The following SH3BP1 variants were observed in gnomAD, a reference collection of about 807,000 sequenced individuals.
SH3BP1 encodes the protein SH3 domain binding protein 1, also known as SH3 domain-binding protein 1.
In SH3BP1, 46 loss-of-function variants were observed where a neutral mutation model predicts 69.8. That is an observed-to-expected ratio of 0.66 (90% CI 0.52 to 0.84). SH3BP1 has a LOEUF of 0.84. SH3BP1 is among the 40% of genes least tolerant of loss of function. SH3BP1 has a pLI of 0.00. For missense variants in SH3BP1, 868 were observed against 930.9 expected (o/e 0.93, Z 0.88); for synonymous variants, 403 against 378.0 (o/e 1.07, Z -0.77).
intron 7 of SH3BP1, 120 bp downstream of exon 7, chr22:37,643,908 T>A: frequency 1.7e-6 from 2 of 1,173,956 alleles, no homozygotes; most frequent in Non-Finnish European, 2.4e-6. Context: ...GCCACGTGGC[T>A]AGGAGCCAGC....
At chr22:37,653,896 G>A (rs1569012010) in intron 17 of SH3BP1, 23 bp downstream of exon 17, 1 of 1,495,890 alleles carries the variant, frequency 6.7e-7, no homozygotes, top group South Asian at 1.1e-5. Context: ...TGGGAGGGGA[G>A]GAGGGGACAG....
intron 11 of SH3BP1, 34 bp downstream of exon 11, chr22:37,646,963 G>C: frequency 7.3e-7 from 1 of 1,368,166 alleles, no homozygotes; most frequent in Non-Finnish European, 9.8e-7. Context: ...GCAGGAGGTT[G>C]GGGGGGAGGG....
chr22:37,644,744 G>T (rs780940596), intron 8 of SH3BP1, 39 bp downstream of exon 8: 2 of 1,612,090 alleles, frequency 1.2e-6, no homozygotes, highest in South Asian at 1.1e-5. Context: ...CAGAGTTCAG[G>T]GGCTGAATGC....
chr22:37,643,580 G>C, intron 6 of SH3BP1, 64 bp from the exon 7 acceptor site: 18 of 1,605,702 alleles, frequency 1.1e-5, no homozygotes, highest in Non-Finnish European at 1.4e-5. Context: ...GCTGTATGGA[G>C]GGGACACTTG....
At chr22:37,653,665 G>A in intron 16 of SH3BP1, 114 bp from the exon 17 acceptor site, 1 of 750,260 alleles carries the variant, frequency 1.3e-6, no homozygotes, top group South Asian at 1.5e-5. Context: ...CAGAGTGATA[G>A]AGAGCGAGTG....
intron 17 of SH3BP1, among the ~76,000 whole-genome samples, 199 bp downstream of exon 17, chr22:37,654,072 TCC>T (rs2146076581): frequency 6.6e-6 from 1 of 152,248 alleles, no homozygotes; most frequent in African/African-American, 2.4e-5. Context: ...AGCCTCACCT[TCC>T]TCCTCTGTGT....
rs1932572065 is a variant in SH3BP1, at chr22:37,641,109, C to CCA, written c.60-16_60-15insAC. The CCA allele has an allele frequency of 1.4e-5, 20 of 1,390,822 alleles. No homozygotes were observed. The highest frequency in any genetic ancestry group is 1.9e-5 in the Non-Finnish European group (19 of 1,018,546). 86.2% of individuals were successfully genotyped at this position (1,390,822 alleles called of 1,614,324 possible). A position where few individuals can be genotyped will look rare whatever the true frequency, so the allele number is the denominator to read the frequency against. On this transcript the variant is annotated splice_polypyrimidine_tract_variant and intron_variant, in intron 1 of 17. Coordinates refer to ENST00000649765, the MANE Select transcript of SH3BP1 (RefSeq NM_018957.6). ...CAGCAGAAGCACTCTCCCCCCCCCC[C>CCA]CCACCACTCCCCGCAGCACCCCGGA...
intron 14 of SH3BP1, among the ~76,000 whole-genome samples, chr22:37,649,083 C>T (rs73422754): frequency 0.088 from 13,363 of 152,150 alleles, 697 homozygotes; most frequent in South Asian, 0.14. Context: ...CTGAGGAAGA[C>T]ACCCTCAGAA....
intron 6 of SH3BP1, 109 bp from the exon 7 acceptor site, chr22:37,643,535 T>A: frequency 6.8e-7 from 1 of 1,465,968 alleles, no homozygotes; most frequent in Non-Finnish European, 9.4e-7. Context: ...AGCTCTCAGA[T>A]CTGCAGCTCT....
rs891569142 is a variant in SH3BP1 at position 37,641,490 on chromosome 22, G to A, written c.207+12G>A. The A allele has an allele frequency of 1.3e-6, 2 of 1,544,430 alleles. No individual in the cohort carries two copies. The highest frequency in any genetic ancestry group is 1.4e-5 in the African/African-American group (1 of 73,004). ...TGGACAAGCGGGTGGTGAGTGGGGG[G>A]TCCCGGGAAGGAGGGGCCTGAGCAG... On this transcript the variant is annotated intron_variant, in intron 3 of 17. Coordinates refer to ENST00000649765, the MANE Select transcript of SH3BP1 (RefSeq NM_018957.6).
At chr22:37,646,631 C>G (rs898229962) in intron 10 of SH3BP1, 187 bp from the exon 11 acceptor site, 3 of 427,962 alleles carry the variant, frequency 7.0e-6, no homozygotes, top group African/African-American at 6.1e-5. Flanking sequence ...CCAGCCCTGC[C>G]CTTTGCTCAG....
Position 37,639,797 on chromosome 22 carries a change from A to T in SH3BP1, c.10A>T (p.Arg4Trp). 1 of 1,555,170 alleles carries T rather than the reference A, an allele frequency of 6.4e-7. No individual in the cohort carries two copies. The highest frequency in any genetic ancestry group is 8.7e-7 in the Non-Finnish European group (1 of 1,152,642). MMK[R>W]QLHRMRQLAQ... ...CCAGCTCGCCCCCAAGATGATGAAGAGGCAGCTGCACCGCATGCGGCAGCT... is the reference window on the plus strand; with the variant it reads ...CCAGCTCGCCCCCAAGATGATGAAGTGGCAGCTGCACCGCATGCGGCAGCT... Residue 4 changes from arginine to tryptophan, a missense_variant, in exon 1 of 18, where the codon AGG becomes TGG. This residue lies in a region of SH3BP1 where 387 missense variants were observed against 447.9 expected (regional missense o/e 0.86). Transcript: ENST00000649765.
At chr22:37,649,783 C>CA (rs974546284) in intron 14 of SH3BP1, 321 of 304,424 alleles carry the variant, frequency 1.1e-3, no homozygotes, top group East Asian at 1.5e-3. Context: ...GACTCTGTCT[C>CA]AAAAAAAAAG....
intron 17 of SH3BP1, 95 bp from the exon 18 acceptor site, chr22:37,655,177 G>A: frequency 1.2e-6 from 1 of 841,770 alleles, no homozygotes; most frequent in Admixed American, 2.9e-5. Context: ...AGAGGGAACA[G>A]CAGATGCAAA....
intron 13 of SH3BP1, 71 bp downstream of exon 13, chr22:37,647,592 C>T (rs1932807575): frequency 7.8e-7 from 1 of 1,280,450 alleles, no homozygotes; most frequent in African/African-American, 1.5e-5. Context: ...CCCTGGGACC[C>T]TGGGCTTGAG....
At chr22:37,643,827 C>A in intron 7 of SH3BP1, 39 bp downstream of exon 7, 1 of 1,607,306 alleles carries the variant, frequency 6.2e-7, no homozygotes, top group Non-Finnish European at 8.5e-7. Context: ...GTAGGGGTGG[C>A]AGGGGTGGGT....
At chr22:37,639,960 C>G in intron 1 of SH3BP1, 114 bp downstream of exon 1, 1 of 761,428 alleles carries the variant, frequency 1.3e-6, no homozygotes, top group Non-Finnish European at 2.0e-6. Flanking sequence ...CAGCCACCCT[C>G]TGAGCGGCCA....
In SH3BP1 at chr22:37,648,299, A is replaced by T; in HGVS notation, c.1200-20A>T. On this transcript the variant is annotated intron_variant, in intron 13 of 17. Coordinates refer to ENST00000649765, the MANE Select transcript of SH3BP1 (RefSeq NM_018957.6). ...GCTGGGTGCGTTCTGCCCCTGGCCTAAGCCTGCCTCCGCCCTTAGGTACCT... is the reference window on the plus strand; with the variant it reads ...GCTGGGTGCGTTCTGCCCCTGGCCTTAGCCTGCCTCCGCCCTTAGGTACCT... 1 of 1,560,244 alleles carries T rather than the reference A, an allele frequency of 6.4e-7. No homozygotes were observed. Among genetic ancestry groups the T allele is most frequent in the Non-Finnish European group, 8.7e-7 (1 of 1,145,466 alleles).
intron 9 of SH3BP1, 182 bp from the exon 10 acceptor site, chr22:37,645,183 C>T: frequency 2.2e-6 from 2 of 917,352 alleles, no homozygotes; most frequent in Non-Finnish European, 3.2e-6. Flanking sequence ...GCAACGGTGG[C>T]CTGGACTAGG....
Sources: gnomAD v4.1 joint callset for allele counts (sites outside exome capture counted in the v4.1 genomes callset) on GRCh38, gnomAD v4.1.1 for gene constraint, gnomAD v4.1.1 regional missense constraint, MANE v1.5 for transcripts, NCBI Gene and HGNC (gene_info 2026-07-23, HGNC 2026-07-21) for gene names.